The following ATP6V0A4 variants were observed in gnomAD, a reference collection of about 807,000 sequenced individuals.
ATP6V0A4 encodes V-type proton ATPase 116 kDa subunit a 4.
In ATP6V0A4, 86 loss-of-function variants were observed where a neutral mutation model predicts 107.3. The ratio of observed to expected loss-of-function variants is 0.80; its 90% CI spans 0.67 to 0.96. The LOEUF (loss-of-function observed/expected upper bound fraction) is 0.96. Ranked by LOEUF, ATP6V0A4 falls within the 40% of genes least tolerant of loss-of-function variation. The probability of loss-of-function intolerance (pLI) is 0.00; values close to 1 mark genes in which losing one functional copy is unlikely to be tolerated. For synonymous variants in ATP6V0A4, 353 were observed against 381.4 expected (o/e 0.93, Z 0.87); for missense variants, 908 against 1,045.6 (o/e 0.87, Z 1.81).
chr7:138,793,152 G>A (rs533596675), intron 1 of ATP6V0A4, among the ~76,000 whole-genome samples: 192 of 152,128 alleles, frequency 1.3e-3, no homozygotes, highest in African/African-American at 4.5e-3. Flanking sequence ...AAAATTACCC[G>A]GGGGTGGTGG....
rs1320454082 is a variant in ATP6V0A4 at position 138,792,777 on chromosome 7, TGTTG to T, written c.-121+5253_-121+5256del. Among the ~76,000 whole-genome samples, 155 of 37,532 alleles carry T rather than the reference TGTTG, an allele frequency of 4.1e-3. 14 individuals are homozygous for T. Among genetic ancestry groups the T allele is most frequent in the East Asian group, 8.3e-3 (9 of 1,078 alleles). 24.6% of individuals were successfully genotyped at this position (37,532 alleles called of 152,430 possible). On this transcript the variant is annotated intron_variant, in intron 1 of 21. Coordinates refer to ENST00000310018, the MANE Select transcript of ATP6V0A4 (RefSeq NM_020632.3). The stretch of plus-strand genomic sequence containing the variant: ...CCAAACTCAGGTTTGTTTTTTTTTT[TGTTG>T]TTTTGTTTTTTTTTTTGTAGCAACA...
At chr7:138,719,855 A>G (rs1804340961) in intron 19 of ATP6V0A4, among the ~76,000 whole-genome samples, 1 of 152,094 alleles carries the variant, frequency 6.6e-6, no homozygotes, top group Non-Finnish European at 1.5e-5. Context: ...TCCCATCTCT[A>G]CAAAAATACA....
At chr7:138,716,581 G>GC (rs201380514) in intron 19 of ATP6V0A4, among the ~76,000 whole-genome samples, 32,858 of 149,532 alleles carry the variant, frequency 0.22, 4,687 homozygotes, top group Admixed American at 0.39. Flanking sequence ...TTTTTGGGGG[G>GC]GGGGGAGGGT....
At chr7:138,735,485 C>T (rs962941230) in intron 15 of ATP6V0A4, among the ~76,000 whole-genome samples, 1 of 152,218 alleles carries the variant, frequency 6.6e-6, no homozygotes, top group African/African-American at 2.4e-5. Context: ...ATCTCGCTCC[C>T]TCCATCACAC....
intron 14 of ATP6V0A4, 64 bp from the exon 15 acceptor site, chr7:138,739,697 A>G: frequency 6.3e-7 from 1 of 1,591,698 alleles, no homozygotes; most frequent in Non-Finnish European, 8.5e-7. Context: ...ATACTATAAT[A>G]CCACCAGTCA....
In ATP6V0A4 at chr7:138,733,265, C is replaced by T. The variant is rs1482364464; in HGVS notation, c.1692-172G>A. On this transcript the variant is annotated intron_variant, in intron 16 of 21. Transcript: ENST00000310018. ...AGCAAACAGCAATCCTGTATGGATG[C>T]ATAGAAAAGAAAATTGAAAGGAAAT... is the stretch of plus-strand genomic sequence containing the variant. 7.0e-6 allele frequency: 4 copies of T among 569,966 alleles called. No individual in the cohort carries two copies. The East Asian group carries it at 7.6e-4, about 109-fold the overall frequency. The allele number at this position is 569,966 out of a possible 1,614,324, so 35.3% of individuals were successfully genotyped here.
In ATP6V0A4 at chr7:138,706,729, G is replaced by C; in HGVS notation, c.2430-12C>G. ...TCTGGAACTCAACCCTGTTGTTGAG[G>C]GGAGGCCGTGGGGTAAGAAATGGGA... On this transcript the variant is annotated splice_polypyrimidine_tract_variant and intron_variant, in intron 21 of 21. Coordinates refer to ENST00000310018, the MANE Select transcript of ATP6V0A4 (RefSeq NM_020632.3). 6.2e-7 allele frequency: 1 copy of C among 1,612,854 alleles called. No individual in the cohort carries two copies. Among genetic ancestry groups the C allele is most frequent in the Non-Finnish European group, 8.5e-7 (1 of 1,179,636 alleles).
At chr7:138,746,829 C>A (rs541070538) in intron 13 of ATP6V0A4, among the ~76,000 whole-genome samples, 1 of 152,252 alleles carries the variant, frequency 6.6e-6, no homozygotes, top group East Asian at 1.9e-4. Context: ...AACCAATGCA[C>A]CCTCCTGAGT....
At chr7:138,711,098 C>A (rs1803716435) in intron 20 of ATP6V0A4, among the ~76,000 whole-genome samples, 1 of 152,010 alleles carries the variant, frequency 6.6e-6, no homozygotes, top group South Asian at 2.1e-4. Context: ...CACTTCCCTA[C>A]CCGTTACCTC....
At chr7:138,736,402 T>G (rs1430161990) in intron 15 of ATP6V0A4, among the ~76,000 whole-genome samples, 5 of 152,100 alleles carry the variant, frequency 3.3e-5, no homozygotes, top group Non-Finnish European at 7.4e-5. Context: ...TATCATAACC[T>G]CAGGAAGATT....
intron 21 of ATP6V0A4, among the ~76,000 whole-genome samples, chr7:138,707,166 T>TTA (rs1387150525): frequency 1.3e-5 from 1 of 74,580 alleles, no homozygotes; most frequent in Non-Finnish European, 2.3e-5. Context: ...ATATAATATA[T>TTA]TATATATATT....
At chr7:138,707,208 TTATATTATATAGAA>T (rs1803454999) in intron 21 of ATP6V0A4, among the ~76,000 whole-genome samples, 2 of 60,738 alleles carry the variant, frequency 3.3e-5, no homozygotes, top group Non-Finnish European at 5.8e-5. Flanking sequence ...ATATAATATA[TTATATTATATAGAA>T]TATATTATAT....
At chr7:138,784,946 G>A (rs934232349) in intron 2 of ATP6V0A4, among the ~76,000 whole-genome samples, 5 of 152,208 alleles carry the variant, frequency 3.3e-5, no homozygotes, top group Middle Eastern at 3.4e-3. Context: ...CCTTTAAAAC[G>A]GGCATTCCTT....
At chr7:138,718,257 G>C (rs1804199291) in intron 19 of ATP6V0A4, among the ~76,000 whole-genome samples, 1 of 70,460 alleles carries the variant, frequency 1.4e-5, no homozygotes. Context: ...TCTGCGGAGG[G>C]AGACGTCCAG....
intron 20 of ATP6V0A4, among the ~76,000 whole-genome samples, chr7:138,715,035 G>T (rs895447252): frequency 1.3e-5 from 2 of 152,178 alleles, no homozygotes; most frequent in African/African-American, 4.8e-5. Flanking sequence ...TTGAAGTGAT[G>T]CAAAGAGGAG....
intron 8 of ATP6V0A4, among the ~76,000 whole-genome samples, chr7:138,758,739 A>ATTTTTTTTTTTTTTTTTTTTTT (rs398006555): frequency 1.7e-5 from 1 of 59,176 alleles, no homozygotes; most frequent in Non-Finnish European, 2.9e-5. Flanking sequence ...CTGACTCAGA[A>ATTTTTTTTTTTTTTTTTTTTTT]TTTTTTTTTT....
In ATP6V0A4 at chr7:138,709,713, A is replaced by G; in HGVS notation, c.2340T>C (p.Ile780=). The G allele has an allele frequency of 6.2e-7, 1 of 1,613,962 alleles. No homozygotes were observed. The highest frequency in any genetic ancestry group is 1.1e-5 in the South Asian group (1 of 91,080). The change falls in exon 21 of 22, where the codon ATT becomes ATC. Residue 780 remains isoleucine (I), a synonymous_variant. Coordinates refer to ENST00000310018, the MANE Select transcript of ATP6V0A4 (RefSeq NM_020632.3). ...RGWGGIVGVF[I]IFAVFAVLTV... is the part of the protein sequence containing the mutation. ...TCAGGACAGCAAATACGGCAAAAATAATAAAAACCCCGACGATTCCTCCCC... is the reference window on the plus strand; with the variant it reads ...TCAGGACAGCAAATACGGCAAAAATGATAAAAACCCCGACGATTCCTCCCC...
Position 138,759,762 on chromosome 7 carries a change from T to C in ATP6V0A4, c.629A>G (p.Asp210Gly), listed in dbSNP as rs770836899. 1.9e-6 allele frequency: 3 copies of C among 1,614,106 alleles called. No individual in the cohort carries two copies. Among genetic ancestry groups the C allele is most frequent in the Non-Finnish European group, 2.5e-6 (3 of 1,180,028 alleles). ...KFSEMDAPLE[D>G]PVTKEEIQKN... is the part of the protein sequence containing the mutation. ...GCCCAAGGTTCCCACCGTCACAGGA[T>C]CCTCCAGAGGGGCGTCCATCTCACT... Residue 210 changes from aspartate to glycine, a missense_variant, in exon 8 of 22, where the codon GAT (aspartate) becomes GGT (glycine). By Grantham distance (94) the Asp-to-Gly change is moderately conservative. Transcript: ENST00000310018.
intron 17 of ATP6V0A4, among the ~76,000 whole-genome samples, chr7:138,729,841 CT>C (rs1286150050): frequency 6.6e-6 from 1 of 152,236 alleles, no homozygotes; most frequent in Non-Finnish European, 1.5e-5. Context: ...AAGATTCCCC[CT>C]GATAATAGAG....
Sources: gnomAD v4.1 joint callset for allele counts (sites outside exome capture counted in the v4.1 genomes callset) on GRCh38, gnomAD v4.1.1 for gene constraint, MANE v1.5 for transcripts, NCBI Gene and HGNC (gene_info 2026-07-23, HGNC 2026-07-21) for gene names.